SEMA5A: variants seen among roughly 807,000 people sequenced by gnomAD.
The protein encoded by SEMA5A is semaphorin 5A.
SEMA5A carries 55 observed loss-of-function variants against 135.5 expected under a neutral mutation model. The observed-to-expected ratio is 0.41, with a 90% CI of 0.33 to 0.51. The LOEUF (loss-of-function observed/expected upper bound fraction) is 0.51, where lower values mean the gene tolerates loss of function less well. SEMA5A is among the 20% of genes least tolerant of loss of function. SEMA5A has a pLI of 0.37. For missense variants in SEMA5A, 1,290 were observed against 1,419.9 expected, an observed-to-expected ratio of 0.91 and a Z score of 1.47; for synonymous variants, 580 against 546.5, an observed-to-expected ratio of 1.06 and a Z score of -0.85.
chr5:9,328,481 T>C (rs891346175), intron 4 of SEMA5A, among the ~76,000 whole-genome samples: 5 of 152,166 alleles, frequency 3.3e-5, no homozygotes, highest in African/African-American at 1.2e-4. Flanking sequence ...GGGAGCTTGA[T>C]TAAATCAAAG....
At chr5:9,083,189 G>A (rs1180680446) in intron 16 of SEMA5A, among the ~76,000 whole-genome samples, 1 of 152,114 alleles carries the variant, frequency 6.6e-6, no homozygotes. Context: ...GGAACTCTTG[G>A]GTGTTTTCTT....
chr5:9,201,178 T>G (rs1745684392), intron 9 of SEMA5A, among the ~76,000 whole-genome samples: 1 of 151,966 alleles, frequency 6.6e-6, no homozygotes, highest in African/African-American at 2.4e-5. Context: ...ATGCTCAGAG[T>G]CTCAATGTGA....
At chr5:9,256,160 G>A (rs1197810782) in intron 5 of SEMA5A, among the ~76,000 whole-genome samples, 1 of 151,998 alleles carries the variant, frequency 6.6e-6, no homozygotes, top group Non-Finnish European at 1.5e-5. Context: ...TTTCCTCTAT[G>A]ACTCACCCAA....
chr5:9,266,847 C>CAAA (rs1429513767), intron 5 of SEMA5A, among the ~76,000 whole-genome samples: 3 of 152,130 alleles, frequency 2.0e-5, no homozygotes, highest in Non-Finnish European at 4.4e-5. Flanking sequence ...AAAGCAGTAT[C>CAAA]AATATGGAAA....
rs1446051744 is a variant in SEMA5A, at chr5:9,221,513, A to AG, written c.646+3160dup. Among the ~76,000 whole-genome samples, 120 of 150,986 alleles carry AG rather than the reference A, an allele frequency of 7.9e-4. 1 individual carries two copies. In the East Asian group the frequency reaches 0.021, roughly 27 times the overall value. ...GAGACGGGGTTTCACAGTGTTAGCC[A>AG]GGATGGTCTCGATCTCCTGACCTCG... On this transcript the variant is annotated intron_variant, in intron 8 of 22. Coordinates refer to ENST00000382496, the MANE Select transcript of SEMA5A (RefSeq NM_003966.3).
intron 16 of SEMA5A, among the ~76,000 whole-genome samples, chr5:9,088,659 T>TATATATATATATATACACACAC: frequency 3.8e-4 from 43 of 112,864 alleles, no homozygotes; most frequent in African/African-American, 5.5e-4. Flanking sequence ...TATATATATA[T>TATATATATATATATACACACAC]ACACACACAC....
chr5:9,345,650 TC>T (rs1215842005), intron 3 of SEMA5A, among the ~76,000 whole-genome samples: 2 of 152,056 alleles, frequency 1.3e-5, no homozygotes, highest in Non-Finnish European at 2.9e-5. Flanking sequence ...TATATCTCAG[TC>T]CCAAGGCCAT....
At chr5:9,305,062 C>T (rs1195672226) in intron 5 of SEMA5A, among the ~76,000 whole-genome samples, 2 of 152,110 alleles carry the variant, frequency 1.3e-5, no homozygotes, top group African/African-American at 2.4e-5. Flanking sequence ...TCCCAAGGCC[C>T]GCCGCACAAC....
chr5:9,135,283 C>T (rs1487199291), intron 13 of SEMA5A, among the ~76,000 whole-genome samples: 3 of 151,436 alleles, frequency 2.0e-5, no homozygotes, highest in African/African-American at 7.3e-5. Context: ...CGAGTTCACG[C>T]CATTCTCCTG....
At chr5:9,177,106 TC>T (rs1744247612) in intron 11 of SEMA5A, among the ~76,000 whole-genome samples, 1 of 152,152 alleles carries the variant, frequency 6.6e-6, no homozygotes, top group African/African-American at 2.4e-5. Context: ...ACAGAATTAA[TC>T]CCATAAACAG....
At chr5:9,310,451 G>C (rs905431459) in intron 5 of SEMA5A, among the ~76,000 whole-genome samples, 1 of 151,854 alleles carries the variant, frequency 6.6e-6, no homozygotes, top group Non-Finnish European at 1.5e-5. Flanking sequence ...ACAAAGATAG[G>C]CAAAAAAATA....
chr5:9,205,815 A>G (rs1490377922), intron 8 of SEMA5A, among the ~76,000 whole-genome samples: 1 of 152,186 alleles, frequency 6.6e-6, no homozygotes, highest in African/African-American at 2.4e-5. Flanking sequence ...ATCCTTCAGG[A>G]TGAGGGTGGA....
chr5:9,526,986 C>A (rs1205915650), intron 1 of SEMA5A, among the ~76,000 whole-genome samples: 3 of 152,070 alleles, frequency 2.0e-5, no homozygotes, highest in African/African-American at 4.8e-5. Context: ...CAGACATTTC[C>A]CAGGGTCTCA....
chr5:9,042,711 G>T lies in SEMA5A; in HGVS notation c.*186C>A. 1 of 615,836 alleles carries T rather than the reference G, an allele frequency of 1.6e-6. No homozygotes were observed. 38.1% of individuals were successfully genotyped at this position (615,836 alleles called of 1,614,324 possible). A position where few individuals can be genotyped will look rare whatever the true frequency, so the allele number is the denominator to read the frequency against. ...CAACAATGGTCAAGATTTTCACGAT[G>T]TCTTATTTCAATTTTTGTTGCTTTT... is the stretch of plus-strand genomic sequence containing the variant. On this transcript the variant is annotated 3_prime_UTR_variant, in exon 23 of 23. Coordinates refer to ENST00000382496, the MANE Select transcript of SEMA5A (RefSeq NM_003966.3).
chr5:9,118,922 AC>A lies in SEMA5A; in HGVS notation c.1925+75del. On this transcript the variant is annotated intron_variant, in intron 15 of 22. Coordinates refer to ENST00000382496, the MANE Select transcript of SEMA5A (RefSeq NM_003966.3). The stretch of plus-strand genomic sequence containing the variant: ...AAGCTTAGGCAGATCCAAAACTAAA[AC>A]CGCGGGGAACTCGACCTGGCCGGAA... The A allele has an allele frequency of 1.9e-6, 3 of 1,547,718 alleles. No individual in the cohort carries two copies. The South Asian group carries it at 3.7e-5, about 19-fold the overall frequency.
intron 6 of SEMA5A, among the ~76,000 whole-genome samples, chr5:9,234,588 C>A (rs1406008448): frequency 6.6e-6 from 1 of 152,182 alleles, no homozygotes. Flanking sequence ...TTTAAACTGT[C>A]TGTGAATTTA....
At chr5:9,081,021 A>ATT (rs1330632740) in intron 16 of SEMA5A, among the ~76,000 whole-genome samples, 1 of 152,054 alleles carries the variant, frequency 6.6e-6, no homozygotes, top group Non-Finnish European at 1.5e-5. Flanking sequence ...CTAGAAAGAG[A>ATT]TTTTCTTTTG....
At chr5:9,213,791 G>A (rs1156926777) in intron 8 of SEMA5A, among the ~76,000 whole-genome samples, 1 of 152,120 alleles carries the variant, frequency 6.6e-6, no homozygotes, top group Non-Finnish European at 1.5e-5. Flanking sequence ...AGTTTGCTGA[G>A]CTCTGAAAGG....
At chr5:9,115,950 T>A (rs1740487982) in intron 15 of SEMA5A, among the ~76,000 whole-genome samples, 1 of 152,208 alleles carries the variant, frequency 6.6e-6, no homozygotes, top group Admixed American at 6.5e-5. Flanking sequence ...CTGCTGGATT[T>A]TAAAAGGCAA....
Sources: gnomAD v4.1 joint callset for allele counts (sites outside exome capture counted in the v4.1 genomes callset) on GRCh38, gnomAD v4.1.1 for gene constraint, MANE v1.5 for transcripts, NCBI Gene and HGNC (gene_info 2026-07-23, HGNC 2026-07-21) for gene names.